The following ZNF41 variants were observed in gnomAD, a reference collection of about 807,000 sequenced individuals.
The protein encoded by ZNF41 is zinc finger protein 41.
In ZNF41, 6 loss-of-function variants were observed where a neutral mutation model predicts 9.3. The observed-to-expected ratio is 0.65, with a 90% CI of 0.35 to 1.28. The LOEUF (loss-of-function observed/expected upper bound fraction) is 1.28. Among genes scored for constraint, ZNF41 ranks in the 50% most tolerant of loss-of-function variants. The pLI, the probability that ZNF41 is intolerant of heterozygous loss-of-function variation, is 0.03. For missense variants in ZNF41, 523 were observed against 585.8 expected (o/e 0.89, Z 1.11); for synonymous variants, 192 against 207.1 (o/e 0.93, Z 0.63).
chrX:47,447,841 G>A lies in ZNF41; in HGVS notation c.1929C>T (p.Cys643=). 1 of 1,211,684 alleles carries A rather than the reference G, an allele frequency of 8.3e-7. No individual in the cohort carries two copies. The highest frequency in any genetic ancestry group is 1.1e-6 in the Non-Finnish European group (1 of 895,488). ...KPYECSDCGK[C]FTKKSQLRVH... ...CACGGAGTTGTGACTTCTTAGTGAA[G>A]CATTTCCCACAGTCGCTGCATTCAT... The change falls in exon 5 of 5, where the codon TGC becomes TGT. Residue 643 remains cysteine, a synonymous_variant. Transcript: ENST00000684689.
chrX:47,481,664 G>A (rs989696967), intron 1 of ZNF41, among the ~76,000 whole-genome samples: 5 of 111,539 alleles, frequency 4.5e-5, no homozygotes, highest in African/African-American at 1.3e-4. Flanking sequence ...AAATAAAACC[G>A]AACAGCAGCA....
At position 47,467,743 on chromosome X, in the gene ZNF41, C is replaced by T. The variant is rs1454123129; in HGVS notation, c.-262G>A. On this transcript the variant is annotated 5_prime_UTR_variant, in exon 2 of 5. Transcript: ENST00000684689. ...ATGTTTTCTGGTGGTGCCCAGGGGC[C>T]GCTCACTGTGCTGGATGCTGCGGAA... 1.5e-5 allele frequency: 6 copies of T among 413,759 alleles called. No homozygotes were observed. The highest frequency in any genetic ancestry group is 1.3e-4 in the Admixed American group (3 of 23,645). 34.1% of individuals were successfully genotyped at this position (413,759 alleles called of 1,213,427 possible). A position where few individuals can be genotyped will look rare whatever the true frequency, so the allele number is the denominator to read the frequency against.
chrX:47,448,781 G>A lies in ZNF41; in HGVS notation c.989C>T (p.Thr330Ile). The A allele has an allele frequency of 8.3e-7, 1 of 1,211,766 alleles. No individual in the cohort carries two copies. Among genetic ancestry groups the A allele is most frequent in the Non-Finnish European group, 1.1e-6 (1 of 895,545 alleles). Residue 330 changes from threonine (T) to isoleucine (I), a missense_variant, in exon 5 of 5, where the codon ACT (threonine) becomes ATT (isoleucine). Physicochemically the swap from Thr to Ile is moderately conservative, Grantham distance 89. Transcript: ENST00000684689. Reference protein sequence around the residue: ...VYTGEKPYLCTQCGKVFTLKS... With the variant: ...VYTGEKPYLCIQCGKVFTLKS... ...GAGGGTAAAGACTTTCCCACATTGA[G>A]TACACAGATAGGGTTTTTCTCCTGT... is the stretch of plus-strand genomic sequence containing the variant.
chrX:47,456,120 TG>T lies in ZNF41; in HGVS notation c.200-105del, dbSNP rs1371678520. 4 of 1,072,470 alleles carry T rather than the reference TG, an allele frequency of 3.7e-6. No homozygotes were observed. In the African/African-American group the frequency reaches 7.3e-5, roughly 20 times the overall value. 88.4% of individuals were successfully genotyped at this position (1,072,470 alleles called of 1,213,427 possible). A position where few individuals can be genotyped will look rare whatever the true frequency, so the allele number is the denominator to read the frequency against. ...TTTCAGAAAAGTAAACACATTTCACTGGGAACAGAGTAATAATCACAGAGGT... is the reference window on the plus strand; with the variant it reads ...TTTCAGAAAAGTAAACACATTTCACTGGAACAGAGTAATAATCACAGAGGT... On this transcript the variant is annotated intron_variant, in intron 3 of 4. Coordinates refer to ENST00000684689, the MANE Select transcript of ZNF41 (RefSeq NM_001324144.2).
chrX:47,482,600 T>TGCGTGCGCGCGC (rs372112867), intron 1 of ZNF41: 1 of 111,614 alleles, frequency 9.0e-6, no homozygotes, highest in South Asian at 3.7e-4. Context: ...CGCCGGTGCG[T>TGCGTGCGCGCGC]GCGTGCGCGT....
chrX:47,479,792 T>C (rs2057424560), intron 1 of ZNF41, among the ~76,000 whole-genome samples: 1 of 111,358 alleles, frequency 9.0e-6, no homozygotes. Context: ...TAAAATAGTT[T>C]TAACATTTAC....
At chrX:47,469,929 A>T (rs867653549) in intron 1 of ZNF41, among the ~76,000 whole-genome samples, 1 of 111,416 alleles carries the variant, frequency 9.0e-6, no homozygotes, top group South Asian at 3.7e-4. Context: ...GAGTGAAATG[A>T]GGAGAAGGCA....
At chrX:47,480,802 A>C (rs756514003) in intron 1 of ZNF41, among the ~76,000 whole-genome samples, 2 of 106,109 alleles carry the variant, frequency 1.9e-5, no homozygotes, top group Non-Finnish European at 3.9e-5. Flanking sequence ...GGCAAACTAG[A>C]TACCCTTGTG....
Position 47,446,226 on chromosome X carries a change from T to A in ZNF41, c.*1204A>T. The A allele has an allele frequency of 8.9e-6, 1 of 111,751 alleles. No individual in the cohort carries two copies. Among genetic ancestry groups the A allele is most frequent in the Middle Eastern group, 4.6e-3 (1 of 219 alleles). 9.2% of individuals were successfully genotyped at this position (111,751 alleles called of 1,213,427 possible). A position where few individuals can be genotyped will look rare whatever the true frequency, so the allele number is the denominator to read the frequency against. ...ATGTTTAAGGGAAAATGAGAACGTGTCTATATATCAGTGTTAAAAAAGAGC... is the reference window on the plus strand; with the variant it reads ...ATGTTTAAGGGAAAATGAGAACGTGACTATATATCAGTGTTAAAAAAGAGC... On this transcript the variant is annotated 3_prime_UTR_variant, in exon 5 of 5. Transcript: ENST00000684689.
chrX:47,454,894 A>G (rs945067104), intron 4 of ZNF41, among the ~76,000 whole-genome samples: 2 of 111,991 alleles, frequency 1.8e-5, no homozygotes, highest in Non-Finnish European at 3.8e-5. Context: ...GTTCAAACAC[A>G]TTAGATCAGC....
At chrX:47,455,783 C>T in intron 4 of ZNF41, 138 bp downstream of exon 4, 1 of 566,101 alleles carries the variant, frequency 1.8e-6, no homozygotes, top group East Asian at 3.6e-5. Flanking sequence ...GGGCTATTGT[C>T]AACTATCTCC....
At chrX:47,457,669 G>A (rs1223825447) in intron 2 of ZNF41, among the ~76,000 whole-genome samples, 1 of 111,695 alleles carries the variant, frequency 9.0e-6, no homozygotes, top group Admixed American at 9.5e-5. Context: ...CAAAAACCCC[G>A]TCTCTACCAA....
Position 47,447,746 on chromosome X carries a change from C to T in ZNF41, c.2024G>A (p.Arg675Gln), listed in dbSNP as rs369879734. The T allele has an allele frequency of 1.2e-5, 14 of 1,211,024 alleles. No homozygotes were observed. The highest frequency in any genetic ancestry group is 1.3e-5 in the Non-Finnish European group (12 of 895,273). The part of the protein sequence containing the change: ...CAECGKAFTD[R>Q]SNLITHQKIH... ...TTTCTGATGTGTTATGAGATTTGAT[C>T]GGTCAGTGAAGGCCTTTCCACATTC... Residue 675 changes from arginine to glutamine, a missense_variant, in exon 5 of 5, where the codon CGA becomes CAA. Coordinates refer to ENST00000684689, the MANE Select transcript of ZNF41 (RefSeq NM_001324144.2).
chrX:47,465,075 G>C (rs950147355), intron 2 of ZNF41, among the ~76,000 whole-genome samples: 10 of 111,624 alleles, frequency 9.0e-5, no homozygotes, highest in Admixed American at 3.8e-4. Flanking sequence ...TGTTGAGATA[G>C]GGTCTTACTA....
chrX:47,447,105 C>T lies in ZNF41; in HGVS notation c.*325G>A, dbSNP rs1377318589. The T allele has an allele frequency of 1.5e-5, 4 of 273,859 alleles. No individual in the cohort carries two copies. Among genetic ancestry groups the T allele is most frequent in the South Asian group, 5.9e-5 (1 of 16,935 alleles). The allele number at this position is 273,859 out of a possible 1,213,427, so 22.6% of individuals were successfully genotyped here. On this transcript the variant is annotated 3_prime_UTR_variant, in exon 5 of 5. Coordinates refer to ENST00000684689, the MANE Select transcript of ZNF41 (RefSeq NM_001324144.2). ...CCAAAAAGTGAAGCATAAGAGATGA[C>T]GAGTCATCTCCTCAGGTCTTAATTC...
chrX:47,455,921 C>T lies in ZNF41; in HGVS notation c.295G>A (p.Gly99Ser), dbSNP rs2056542077. 8.3e-7 allele frequency: 1 copy of T among 1,209,585 alleles called. No homozygotes were observed. Among genetic ancestry groups the T allele is most frequent in the African/African-American group, 1.7e-5 (1 of 57,743 alleles). ...EGEAPHQSCS[G>S]EAIGKMQQQG... ...ATCTGTCTGGGTCATGCTCACTCAC[C>T]TGAACAGCTCTGATGTGGGGCTTCC... The change falls in exon 4 of 5, where the codon GGT becomes AGT. Residue 99 changes from glycine (G) to serine (S), a missense_variant and splice_region_variant. Transcript: ENST00000684689.
Position 47,467,560 on chromosome X carries a change from T to C in ZNF41, c.-79A>G. 1 of 1,122,139 alleles carries C rather than the reference T, an allele frequency of 8.9e-7. No individual in the cohort carries two copies. Among genetic ancestry groups the C allele is most frequent in the Non-Finnish European group, 1.2e-6 (1 of 834,527 alleles). 92.5% of individuals were successfully genotyped at this position (1,122,139 alleles called of 1,213,427 possible). A position where few individuals can be genotyped will look rare whatever the true frequency, so the allele number is the denominator to read the frequency against. On this transcript the variant is annotated 5_prime_UTR_variant, in exon 2 of 5. Coordinates refer to ENST00000684689, the MANE Select transcript of ZNF41 (RefSeq NM_001324144.2). ...CCAAGCTGGAAGCTGAGCTGGCATC[T>C]GTGGACTCAACCGGAGCTGCTGGGG...
chrX:47,481,250 T>C (rs2057465086), intron 1 of ZNF41, among the ~76,000 whole-genome samples: 1 of 111,115 alleles, frequency 9.0e-6, no homozygotes, highest in South Asian at 3.7e-4. Context: ...AAGACCAGCC[T>C]GGGCAACATA....
At position 47,458,766 on chromosome X, in the gene ZNF41, G is replaced by GT. The variant is rs1290103860; in HGVS notation, c.73-2369dup. Among the ~76,000 whole-genome samples, 381 of 103,558 alleles carry GT rather than the reference G, an allele frequency of 3.7e-3. 1 individual carries two copies. Among genetic ancestry groups the GT allele is most frequent in the African/African-American group, 0.012 (335 of 28,477 alleles). 89.9% of individuals were successfully genotyped at this position (103,558 alleles called of 115,157 possible). ...GGCATACGTCACCATATGCTGCTTCGTTTTTTTTTTGTTTTGTTTTTTTTT... is the reference window on the plus strand; with the variant it reads ...GGCATACGTCACCATATGCTGCTTCGTTTTTTTTTTTGTTTTGTTTTTTTTT... On this transcript the variant is annotated intron_variant, in intron 2 of 4. Coordinates refer to ENST00000684689, the MANE Select transcript of ZNF41 (RefSeq NM_001324144.2).
Sources: gnomAD v4.1 joint callset for allele counts (sites outside exome capture counted in the v4.1 genomes callset) on GRCh38, gnomAD v4.1.1 for gene constraint, MANE v1.5 for transcripts, NCBI Gene and HGNC (gene_info 2026-07-23, HGNC 2026-07-21) for gene names.